Variants in ALDH2 observed in about 807,000 individuals in gnomAD.
ALDH2 encodes the protein aldehyde dehydrogenase, mitochondrial.
In ALDH2, 44 loss-of-function variants were observed where a neutral mutation model predicts 59.6. The observed-to-expected ratio is 0.74, with a 90% CI of 0.58 to 0.95. ALDH2 has a LOEUF of 0.95. ALDH2 is among the 40% of genes least tolerant of loss of function. The probability of loss-of-function intolerance (pLI) is 0.00; values close to 1 mark genes in which losing one functional copy is unlikely to be tolerated. For missense variants in ALDH2, 570 were observed against 696.3 expected, an observed-to-expected ratio of 0.82 and a Z score of 2.04; for synonymous variants, 291 against 284.0, an observed-to-expected ratio of 1.02 and a Z score of -0.25.
At chr12:111,801,046 G>C (rs1282585839) in intron 11 of ALDH2, among the ~76,000 whole-genome samples, 2 of 152,214 alleles carry the variant, frequency 1.3e-5, no homozygotes, top group Admixed American at 1.3e-4. Flanking sequence ...AGACATTGCA[G>C]AGACCGGGTA....
chr12:111,792,199 G>A, intron 8 of ALDH2, 36 bp downstream of exon 8: 2 of 1,499,444 alleles, frequency 1.3e-6, no homozygotes, highest in Non-Finnish European at 1.8e-6. Context: ...GGCCTTGAAG[G>A]TAGCCCTGGC....
chr12:111,789,031 T>G (rs1349655261), intron 4 of ALDH2, among the ~76,000 whole-genome samples: 2 of 147,640 alleles, frequency 1.4e-5, no homozygotes, highest in Non-Finnish European at 3.0e-5. Context: ...TTTTTTTTTT[T>G]TTTTGAGACA....
At chr12:111,776,910 C>T (rs913503212) in intron 1 of ALDH2, among the ~76,000 whole-genome samples, 1 of 152,108 alleles carries the variant, frequency 6.6e-6, no homozygotes, top group Non-Finnish European at 1.5e-5. Flanking sequence ...GTCTCGAACT[C>T]CTGACCTCAA....
chr12:111,786,512 A>G (rs2068310546), intron 4 of ALDH2, among the ~76,000 whole-genome samples: 1 of 150,492 alleles, frequency 6.6e-6, no homozygotes, highest in Non-Finnish European at 1.5e-5. Context: ...CTGAGATTAG[A>G]GGCGTGAGCC....
At chr12:111,773,635 C>T (rs929955673) in intron 1 of ALDH2, among the ~76,000 whole-genome samples, 4 of 152,132 alleles carry the variant, frequency 2.6e-5, no homozygotes, top group Non-Finnish European at 5.9e-5. Flanking sequence ...GAAGGTTGGG[C>T]AGGGCAGAAT....
At chr12:111,805,478 C>T (rs2136028015) in intron 12 of ALDH2, among the ~76,000 whole-genome samples, 1 of 152,276 alleles carries the variant, frequency 6.6e-6, no homozygotes, top group African/African-American at 2.4e-5. Context: ...GTGCACATCA[C>T]CATTCCTGAC....
At position 111,814,248 on chromosome 12, in the gene ALDH2, A is replaced by G. The variant is rs111481433; in HGVS notation, c.*4673A>G. The G allele has an allele frequency of 0.028, 4,235 of 152,254 alleles. 84 individuals are homozygous for G. Among genetic ancestry groups the G allele is most frequent in the Middle Eastern group, 0.067 (20 of 298 alleles). 9.4% of individuals were successfully genotyped at this position (152,254 alleles called of 1,614,324 possible). A position where few individuals can be genotyped will look rare whatever the true frequency, so the allele number is the denominator to read the frequency against. On this transcript the variant is annotated 3_prime_UTR_variant, in exon 13 of 13. Coordinates refer to ENST00000261733, the MANE Select transcript of ALDH2 (RefSeq NM_000690.4). ...TGTAGTCCCAGCTGATCGGGAGGCT[A>G]AGGCAGGAGAATGGTGTGAACCCAG...
chr12:111,777,392 G>T (rs979336538), intron 1 of ALDH2, among the ~76,000 whole-genome samples: 1 of 152,126 alleles, frequency 6.6e-6, no homozygotes, highest in Non-Finnish European at 1.5e-5. Flanking sequence ...CTCCCTGGGT[G>T]GGGGAGGAAG....
Position 111,783,201 on chromosome 12 carries a change from A to T in ALDH2, c.263A>T (p.Gln88Leu). 6.2e-7 allele frequency: 1 copy of T among 1,613,382 alleles called. No individual in the cohort carries two copies. Among genetic ancestry groups the T allele is most frequent in the South Asian group, 1.1e-5 (1 of 90,964 alleles). ...KAVKAARAAF[Q>L]LGSPWRRMDA... ...GTGAAGGCCGCCCGGGCCGCCTTCCAGCTGGGCTCACCTTGGCGCCGCATG... is the reference window on the plus strand; with the variant it reads ...GTGAAGGCCGCCCGGGCCGCCTTCCTGCTGGGCTCACCTTGGCGCCGCATG... Residue 88 changes from glutamine (Q) to leucine (L), a missense_variant, in exon 3 of 13, where the codon CAG becomes CTG. Transcript: ENST00000261733.
intron 1 of ALDH2, among the ~76,000 whole-genome samples, chr12:111,771,118 A>G (rs1291994174): frequency 1.3e-5 from 2 of 151,948 alleles, no homozygotes; most frequent in African/African-American, 4.8e-5. Context: ...TCCCAAGGCT[A>G]GGTGTGGTGG....
At chr12:111,772,125 A>T (rs1443256204) in intron 1 of ALDH2, among the ~76,000 whole-genome samples, 13 of 152,022 alleles carry the variant, frequency 8.6e-5, no homozygotes, top group Admixed American at 8.5e-4. Flanking sequence ...AAAACAAAAA[A>T]AACTTAATAC....
chr12:111,775,074 A>T (rs939290746), intron 1 of ALDH2, among the ~76,000 whole-genome samples: 1 of 152,236 alleles, frequency 6.6e-6, no homozygotes. Flanking sequence ...GAGGAACGCT[A>T]TGTGGCTTAA....
Position 111,813,986 on chromosome 12 carries a change from C to G in ALDH2, c.*4411C>G, listed in dbSNP as rs2068553412. ...GTGGCTCACACCCGTAATCCCAGCACTTTGGGAGGCCGAGGTGGGCGGATC... is the reference window on the plus strand; with the variant it reads ...GTGGCTCACACCCGTAATCCCAGCAGTTTGGGAGGCCGAGGTGGGCGGATC... On this transcript the variant is annotated 3_prime_UTR_variant, in exon 13 of 13. Coordinates refer to ENST00000261733, the MANE Select transcript of ALDH2 (RefSeq NM_000690.4). The G allele has an allele frequency of 6.6e-6, 1 of 152,298 alleles. No individual in the cohort carries two copies. Among genetic ancestry groups the G allele is most frequent in the African/African-American group, 2.4e-5 (1 of 41,442 alleles). The allele number at this position is 152,298 out of a possible 1,614,324, so 9.4% of individuals were successfully genotyped here.
chr12:111,809,514 A>T (rs1172026445), intron 12 of ALDH2, 29 bp from the exon 13 acceptor site: 1 of 1,614,044 alleles, frequency 6.2e-7, no homozygotes, highest in Non-Finnish European at 8.5e-7. Flanking sequence ...AAGCAGGAAG[A>T]TCTAACGGCT....
intron 12 of ALDH2, 107 bp downstream of exon 12, chr12:111,804,080 C>T (rs2136027222): frequency 1.4e-6 from 1 of 730,002 alleles, no homozygotes; most frequent in Admixed American, 2.9e-5. Flanking sequence ...TCGGGGCCTG[C>T]CAGAGGTTCA....
At chr12:111,806,660 A>G (rs1314160411) in intron 12 of ALDH2, among the ~76,000 whole-genome samples, 1 of 152,234 alleles carries the variant, frequency 6.6e-6, no homozygotes, top group East Asian at 1.9e-4. Context: ...TTTCCAATCT[A>G]TGCAAAGAAT....
chr12:111,778,067 G>A (rs1178800165), intron 1 of ALDH2, among the ~76,000 whole-genome samples: 1 of 152,118 alleles, frequency 6.6e-6, no homozygotes, highest in Non-Finnish European at 1.5e-5. Context: ...CCTTCCTGGG[G>A]CACTCTGTTT....
intron 1 of ALDH2, among the ~76,000 whole-genome samples, chr12:111,780,388 G>A (rs565151615): frequency 2.3e-4 from 35 of 152,250 alleles, no homozygotes; most frequent in Middle Eastern, 6.8e-3. Flanking sequence ...CCCTGACCCC[G>A]TTTTTTATCA....
At chr12:111,772,255 C>G (rs2068204727) in intron 1 of ALDH2, among the ~76,000 whole-genome samples, 1 of 152,192 alleles carries the variant, frequency 6.6e-6, no homozygotes, top group Middle Eastern at 3.2e-3. Context: ...TCTTGTTTGC[C>G]TGGGAGATTC....
Sources: allele counts gnomAD v4.1 joint callset (sites outside exome capture counted in the v4.1 genomes callset), GRCh38; gene constraint gnomAD v4.1.1; transcripts MANE v1.5; gene names NCBI Gene and HGNC (gene_info 2026-07-23, HGNC 2026-07-21).